Variants in LOC400499 observed in about 807,000 individuals in gnomAD.
chr16:11,469,316 C>T, the LOC400499 span: 1 of 399,262 alleles, frequency 2.5e-6, no homozygotes, highest in Non-Finnish European at 4.4e-6. Context: ...GCCCCTCCGT[C>T]CCCCTGGGAG....
chr16:11,383,511 ATGT>A, the LOC400499 span: 157 of 1,028,042 alleles, frequency 1.5e-4, no homozygotes, highest in Admixed American at 8.1e-4. Context: ...GTCTTAATAA[ATGT>A]TGTGACTCTT....
At chr16:11,401,859 G>A in the LOC400499 span, among the ~76,000 whole-genome samples, 3 of 152,196 alleles carry the variant, frequency 2.0e-5, no homozygotes, top group African/African-American at 7.2e-5. Context: ...GGTGTTGTGG[G>A]GACCCAGGTC....
chr16:11,383,832 A>T, the LOC400499 span: 8 of 1,232,124 alleles, frequency 6.5e-6, no homozygotes, highest in Admixed American at 4.2e-5. Context: ...GGAGGGACCT[A>T]AGCTTGATGA....
At chr16:11,417,417 T>C in the LOC400499 span, among the ~76,000 whole-genome samples, 5 of 152,160 alleles carry the variant, frequency 3.3e-5, no homozygotes. Context: ...AGCCATCCAG[T>C]GTGTGGGACT....
chr16:11,494,751 G>C, the LOC400499 span: 3 of 399,088 alleles, frequency 7.5e-6, no homozygotes, highest in African/African-American at 6.2e-5. Context: ...CTCGGGGTCT[G>C]GAGCAGTGGC....
chr16:11,387,053 G>A, the LOC400499 span: 1 of 1,206,520 alleles, frequency 8.3e-7, no homozygotes, highest in Non-Finnish European at 1.0e-6. Context: ...GCTTCCCTGT[G>A]CCCAGGAGGC....
the LOC400499 span, among the ~76,000 whole-genome samples, chr16:11,503,949 C>G: frequency 3.9e-5 from 6 of 152,316 alleles, no homozygotes; most frequent in African/African-American, 1.4e-4. Context: ...TCCTAATGGG[C>G]TCGGCCACAT....
chr16:11,477,674 G>A, the LOC400499 span: 11 of 393,060 alleles, frequency 2.8e-5, no homozygotes, highest in African/African-American at 2.1e-4. Flanking sequence ...TAACCACCCA[G>A]CATCTCTGCA....
chr16:11,401,246 C>G, the LOC400499 span: 6 of 399,042 alleles, frequency 1.5e-5, no homozygotes, highest in African/African-American at 1.2e-4. Flanking sequence ...GCCAAGGGCG[C>G]CTGGGACATC....
chr16:11,384,141 C>G, the LOC400499 span: 1 of 1,216,560 alleles, frequency 8.2e-7, no homozygotes, highest in Non-Finnish European at 1.0e-6. Context: ...GGCCGCCTGC[C>G]TCTCCCGGGA....
chr16:11,402,107 C>T, the LOC400499 span: 4 of 399,128 alleles, frequency 1.0e-5, no homozygotes, highest in Non-Finnish European at 1.8e-5. Context: ...TGAGGACAGG[C>T]GGAGGCTGCA....
chr16:11,427,350 CAAAAAAAAAAAAAAAAAA>C, the LOC400499 span, among the ~76,000 whole-genome samples: 1 of 38,842 alleles, frequency 2.6e-5, no homozygotes, highest in Non-Finnish European at 7.7e-5. Flanking sequence ...CTCCATCTCA[CAAAAAAAAAAAAAAAAAA>C]AAAAAAAAAA....
At chr16:11,491,208 A>T in the LOC400499 span, among the ~76,000 whole-genome samples, 1 of 152,146 alleles carries the variant, frequency 6.6e-6, no homozygotes, top group Admixed American at 6.5e-5. Context: ...CCAGGCTCTC[A>T]CCCCACTGTG....
At chr16:11,404,697 C>T in the LOC400499 span, 2 of 398,952 alleles carry the variant, frequency 5.0e-6, no homozygotes. Flanking sequence ...GCCCCTCACA[C>T]ACTCACCCTG....
the LOC400499 span, among the ~76,000 whole-genome samples, chr16:11,474,299 T>A: frequency 1.3e-5 from 2 of 152,374 alleles, no homozygotes; most frequent in Non-Finnish European, 2.9e-5. Context: ...TTCTGGACAC[T>A]GAAATTTCAA....
chr16:11,480,249 G>A, the LOC400499 span, among the ~76,000 whole-genome samples: 2 of 152,204 alleles, frequency 1.3e-5, no homozygotes, highest in African/African-American at 4.8e-5. Flanking sequence ...AGACAAAGGG[G>A]ATTGTGCATT....
chr16:11,384,159 G>C, the LOC400499 span: 6 of 1,214,368 alleles, frequency 4.9e-6, no homozygotes, highest in Non-Finnish European at 6.2e-6. Flanking sequence ...GGACTCTGCA[G>C]TGAGCAGCCC....
the LOC400499 span, among the ~76,000 whole-genome samples, chr16:11,455,761 A>G: frequency 6.6e-6 from 1 of 151,690 alleles, no homozygotes; most frequent in Non-Finnish European, 1.5e-5. Context: ...AAAAAAGAAA[A>G]AGAGAAACAA....
chr16:11,448,063 G>C, the LOC400499 span: 1 of 1,534,936 alleles, frequency 6.5e-7, no homozygotes, highest in African/African-American at 1.4e-5. Flanking sequence ...CGACACCTGG[G>C]TCTTCCGGGG....
Sources: allele counts gnomAD v4.1 joint callset (sites outside exome capture counted in the v4.1 genomes callset), GRCh38; gene constraint gnomAD v4.1.1; transcripts MANE v1.5.